The following LINC00305 variants were observed in gnomAD, a reference collection of about 807,000 sequenced individuals.
LINC00305 encodes long intergenic non-protein coding RNA 305.
chr18:64,128,703 A>G (rs2051396426), intron 1 of LINC00305, among the ~76,000 whole-genome samples: 3 of 152,114 alleles, frequency 2.0e-5, no homozygotes, highest in Admixed American at 6.6e-5. Context: ...CCAATTGTTA[A>G]AATATTAAAA....
At chr18:64,142,723 T>C (rs1459046908) in intron 1 of LINC00305, among the ~76,000 whole-genome samples, 1 of 152,082 alleles carries the variant, frequency 6.6e-6, no homozygotes, top group Non-Finnish European at 1.5e-5. Context: ...CTGCGCCCTA[T>C]TCCACTCCTT....
chr18:64,143,590 GTACACATATGTA>G lies in LINC00305; in HGVS notation n.314+5173_314+5184del. On this transcript the variant is annotated intron_variant and non_coding_transcript_variant, in intron 1 of 3. Transcript: ENST00000666468. ...TATACACATATGTATATGTACATAT[GTACACATATGTA>G]TATGTACATATGTACACATATGTAT... Among the ~76,000 whole-genome samples, 5 of 81,242 alleles carry G rather than the reference GTACACATATGTA, an allele frequency of 6.2e-5. 1 individual carries two copies. The highest frequency in any genetic ancestry group is 1.3e-4 in the African/African-American group (2 of 14,898). 53.3% of individuals were successfully genotyped at this position (81,242 alleles called of 152,430 possible).
intron 1 of LINC00305, among the ~76,000 whole-genome samples, chr18:64,141,415 A>C (rs1379679304): frequency 6.6e-6 from 1 of 152,202 alleles, no homozygotes; most frequent in Non-Finnish European, 1.5e-5. Flanking sequence ...ATAGGTTTTT[A>C]AAAAAGGTTA....
At chr18:64,089,692 G>T (rs1431042311) in intron 3 of LINC00305, among the ~76,000 whole-genome samples, 1 of 152,188 alleles carries the variant, frequency 6.6e-6, no homozygotes, top group East Asian at 1.9e-4. Flanking sequence ...AAGAAAGAGA[G>T]GTTTAGTGGA....
Position 64,120,571 on chromosome 18 carries a change from G to A in LINC00305, n.315-21931C>T, listed in dbSNP as rs188777894. Among the ~76,000 whole-genome samples the A allele has an allele frequency of 1.1e-3, 173 of 152,124 alleles. 7 individuals are homozygous for A. The East Asian group carries it at 0.03, about 27-fold the overall frequency. On this transcript the variant is annotated intron_variant and non_coding_transcript_variant, in intron 1 of 3. Transcript: ENST00000666468. ...GCTAACTTTCTCTTTGCATTTGTGA[G>A]ATGTCTGGAGGAAATTTCAGATGCT...
At chr18:64,140,012 A>G (rs1379215631) in intron 1 of LINC00305, among the ~76,000 whole-genome samples, 1 of 151,996 alleles carries the variant, frequency 6.6e-6, no homozygotes, top group Non-Finnish European at 1.5e-5. Context: ...TTAAACACAC[A>G]AAGACTGCTC....
intron 3 of LINC00305, among the ~76,000 whole-genome samples, chr18:64,088,181 C>A (rs565969586): frequency 6.6e-6 from 1 of 152,166 alleles, no homozygotes; most frequent in African/African-American, 2.4e-5. Context: ...CAAGATCAGG[C>A]AGCTCTGGAA....
intron 1 of LINC00305, among the ~76,000 whole-genome samples, chr18:64,135,998 A>T (rs1224504082): frequency 1.3e-5 from 2 of 152,170 alleles, no homozygotes; most frequent in African/African-American, 2.4e-5. Context: ...AGTTTGAATA[A>T]TCAGCAGGGC....
At chr18:64,143,232 A>G (rs1207935270) in intron 1 of LINC00305, among the ~76,000 whole-genome samples, 1 of 152,142 alleles carries the variant, frequency 6.6e-6, no homozygotes, top group Non-Finnish European at 1.5e-5. Flanking sequence ...TTGTCTAATT[A>G]TGATTCCCTC....
intron 1 of LINC00305, among the ~76,000 whole-genome samples, chr18:64,106,972 G>A (rs2051293536): frequency 6.6e-6 from 1 of 150,734 alleles, no homozygotes; most frequent in South Asian, 2.1e-4. Context: ...GCTGTTTACA[G>A]ATATGACATT....
At chr18:64,104,870 CG>C (rs1357732831) in intron 1 of LINC00305, among the ~76,000 whole-genome samples, 18 of 151,760 alleles carry the variant, frequency 1.2e-4, no homozygotes, top group Admixed American at 3.9e-4. Flanking sequence ...TCCTGGGACC[CG>C]GAGGCCTCTC....
At chr18:64,140,738 C>T (rs985708155) in intron 1 of LINC00305, among the ~76,000 whole-genome samples, 5 of 152,050 alleles carry the variant, frequency 3.3e-5, no homozygotes, top group African/African-American at 1.2e-4. Flanking sequence ...TTGCAGATGG[C>T]GTTAAGGTTG....
chr18:64,133,763 A>AT (rs2051420378), intron 1 of LINC00305, among the ~76,000 whole-genome samples: 1 of 152,098 alleles, frequency 6.6e-6, no homozygotes, highest in African/African-American at 2.4e-5. Flanking sequence ...ACTCTTCCTG[A>AT]TTTTCCCATT....
At chr18:64,087,909 G>A (rs377503196) in intron 3 of LINC00305, among the ~76,000 whole-genome samples, 4 of 151,172 alleles carry the variant, frequency 2.6e-5, no homozygotes, top group East Asian at 1.9e-4. Flanking sequence ...GGCTAACACA[G>A]TAAAACCCCA....
intron 1 of LINC00305, among the ~76,000 whole-genome samples, chr18:64,120,971 T>A (rs2051359234): frequency 6.6e-6 from 1 of 152,166 alleles, no homozygotes; most frequent in African/African-American, 2.4e-5. Flanking sequence ...CATAGGCATG[T>A]GCTCAAAAAT....
intron 1 of LINC00305, among the ~76,000 whole-genome samples, chr18:64,145,156 T>C (rs1461934031): frequency 6.6e-6 from 1 of 152,222 alleles, no homozygotes; most frequent in African/African-American, 2.4e-5. Flanking sequence ...ATCTTGCTAA[T>C]CATAGATTAT....
At chr18:64,109,787 G>A (rs904874525) in intron 1 of LINC00305, among the ~76,000 whole-genome samples, 9 of 152,234 alleles carry the variant, frequency 5.9e-5, no homozygotes, top group Middle Eastern at 3.4e-3. Flanking sequence ...TGTTCCGGCC[G>A]TTGGACATGG....
At chr18:64,091,093 C>T (rs530960249) in intron 3 of LINC00305, among the ~76,000 whole-genome samples, 3 of 152,206 alleles carry the variant, frequency 2.0e-5, no homozygotes, top group Admixed American at 6.5e-5. Flanking sequence ...GTGACTAATA[C>T]AGGGAAATAA....
intron 1 of LINC00305, among the ~76,000 whole-genome samples, chr18:64,138,641 G>A (rs963387619): frequency 1.3e-5 from 2 of 152,076 alleles, no homozygotes; most frequent in African/African-American, 4.8e-5. Flanking sequence ...ACTCCGGGTT[G>A]TTTTCCTTCA....
Sources: allele counts gnomAD v4.1 joint callset (sites outside exome capture counted in the v4.1 genomes callset), GRCh38; gene constraint gnomAD v4.1.1; transcripts MANE v1.5; gene names NCBI Gene and HGNC (gene_info 2026-07-23, HGNC 2026-07-21).